The following TOPBP1 variants were observed in gnomAD, a reference collection of about 807,000 sequenced individuals.
TOPBP1 encodes the protein DNA topoisomerase II binding protein 1.
Under a neutral mutation model 167.7 loss-of-function variants are expected in TOPBP1, and 28 were observed. The ratio of observed to expected loss-of-function variants is 0.17; its 90% CI spans 0.12 to 0.23. The LOEUF is 0.23. Among genes scored for constraint, TOPBP1 ranks in the 10% least tolerant of loss-of-function variants. TOPBP1 has a pLI of 1.00. For synonymous variants in TOPBP1, 598 were observed against 611.4 expected (o/e 0.98, Z 0.32); for missense variants, 1,554 against 1,809.6 (o/e 0.86, Z 2.56).
Position 133,608,591 on chromosome 3 carries a change from C to G in TOPBP1, c.4369G>C (p.Ala1457Pro). ...DDSGVNIAEA[A>P]AQNVYCLRTE... ...CTCAAGCAGTACACGTTCTGGGCAG[C>G]AGCTTCTGCTATATTAACTCCTGAG... Residue 1457 changes from alanine to proline, a missense_variant, in exon 27 of 28, where the codon GCT becomes CCT. By Grantham distance (27) the Ala-to-Pro change is conservative (BLOSUM62 -1). This residue lies in a region of TOPBP1 where 351 missense variants were observed against 432.9 expected (regional missense o/e 0.81). Coordinates refer to ENST00000260810, the MANE Select transcript of TOPBP1 (RefSeq NM_007027.4). 6.2e-7 allele frequency: 1 copy of G among 1,613,840 alleles called. No individual in the cohort carries two copies. The highest frequency in any genetic ancestry group is 1.1e-5 in the South Asian group (1 of 91,080).
At position 133,612,337 on chromosome 3, in the gene TOPBP1, G is replaced by C. The variant is rs1934710269; in HGVS notation, c.4035+52C>G. 8.7e-6 allele frequency: 14 copies of C among 1,601,038 alleles called. No individual in the cohort carries two copies. In the Admixed American group the frequency reaches 2.4e-4, roughly 27 times the overall value. ...TAACAGGTGTGAGCCACTGCACCCG[G>C]TGGACACTTGCTTTTAAAGAAAAAT... On this transcript the variant is annotated intron_variant, in intron 24 of 27. Transcript: ENST00000260810.
rs1425152272 is a variant in TOPBP1, at chr3:133,650,361, G to GT, written c.1090-419dup. ...GAACACCTGGGCTTAAATTGTGTGT[G>GT]TGTGGGGGGCGGGGGGAGGGGTTGT... On this transcript the variant is annotated intron_variant, in intron 8 of 27. Transcript: ENST00000260810. Among the ~76,000 whole-genome samples, 556 of 111,034 alleles carry GT rather than the reference G, an allele frequency of 5.0e-3. 5 individuals carry two copies. In the Middle Eastern group the frequency reaches 0.057, roughly 11 times the overall value. The allele number at this position is 111,034 out of a possible 152,430, so 72.8% of individuals were successfully genotyped here.
intron 27 of TOPBP1, among the ~76,000 whole-genome samples, chr3:133,607,167 C>A (rs890552632): frequency 5.3e-5 from 8 of 152,096 alleles, no homozygotes; most frequent in Non-Finnish European, 1.2e-4. Flanking sequence ...TGCTTAGAAT[C>A]AGAAGTATTT....
rs61758060 is a variant in TOPBP1 at position 133,628,613 on chromosome 3, T to G, written c.2641A>C (p.Asn881His). 1 of 1,609,386 alleles carries G rather than the reference T, an allele frequency of 6.2e-7. No homozygotes were observed. ...LQLALANSSR[N>H]AVALSASPQL... ...GGGCTGGCAGAAAGAGCGACAGCAT[T>G]TCGAGAGCTATTTGCCAAAGCAAGT... The change falls in exon 15 of 28, where the codon AAT (asparagine) becomes CAT (histidine). Residue 881 changes from asparagine (N) to histidine (H), a missense_variant. By Grantham distance (68) the Asn-to-His change is moderately conservative. Around this residue, in one of 3 missense-constraint regions of TOPBP1, gnomAD observed 1,197 missense variants for 1,351.5 expected, o/e 0.89. Transcript: ENST00000260810.
intron 3 of TOPBP1, among the ~76,000 whole-genome samples, chr3:133,658,757 A>G (rs1026405391): frequency 6.6e-6 from 1 of 152,186 alleles, no homozygotes; most frequent in Non-Finnish European, 1.5e-5. Context: ...CAGTGGGCTG[A>G]GCTTGTGCCA....
rs1559822682 is a variant in TOPBP1 at position 133,637,759 on chromosome 3, C to T, written c.2520+117G>A. Reference sequence around the variant, plus strand: ...GTTCAAACTCAGTAACATAAATCTACTTGCCAATGTCTCTGGAAAATTTAT... The same window carrying T: ...GTTCAAACTCAGTAACATAAATCTATTTGCCAATGTCTCTGGAAAATTTAT... On this transcript the variant is annotated intron_variant, in intron 14 of 27. Transcript: ENST00000260810. 2.8e-6 allele frequency: 3 copies of T among 1,087,886 alleles called. No individual in the cohort carries two copies. In the South Asian group the frequency reaches 4.9e-5, roughly 18 times the overall value. The allele number at this position is 1,087,886 out of a possible 1,614,324, so 67.4% of individuals were successfully genotyped here. A position where few individuals can be genotyped will look rare whatever the true frequency, so the allele number is the denominator to read the frequency against.
In TOPBP1 at chr3:133,644,215, G is replaced by A. The variant is rs1242921123; in HGVS notation, c.1653C>T (p.Gly551=). 1.7e-5 allele frequency: 28 copies of A among 1,613,696 alleles called. No homozygotes were observed. Among genetic ancestry groups the A allele is most frequent in the Non-Finnish European group, 2.4e-5 (28 of 1,179,842 alleles). The part of the protein sequence containing the change: ...VPDVSTITEE[G]LFSQKSFLVL... ...CAAGGAAACTCTTTTGGCTAAATAA[G>A]CCTTCTTCAGTAATTGTAGAAACAT... Residue 551 remains glycine (G), a synonymous_variant, in exon 11 of 28, where the codon GGC becomes GGT. Coordinates refer to ENST00000260810, the MANE Select transcript of TOPBP1 (RefSeq NM_007027.4).
At position 133,643,385 on chromosome 3, in the gene TOPBP1, A is replaced by G. The variant is rs1264679129; in HGVS notation, c.1849-13T>C. The G allele has an allele frequency of 6.4e-7, 1 of 1,556,580 alleles. No homozygotes were observed. Among genetic ancestry groups the G allele is most frequent in the Non-Finnish European group, 8.6e-7 (1 of 1,156,576 alleles). On this transcript the variant is annotated splice_polypyrimidine_tract_variant and intron_variant, in intron 11 of 27. Transcript: ENST00000260810. ...CTATGCAAGTAACCTTTTAAAAACA[A>G]AAGAAATAGTAAAGCCAACCTGAAA...
intron 6 of TOPBP1, among the ~76,000 whole-genome samples, chr3:133,654,334 C>T (rs1936405968): frequency 6.6e-6 from 1 of 152,146 alleles, no homozygotes. Context: ...AAATATGTAT[C>T]TTTTATTACC....
chr3:133,638,208 C>T (rs1408826253), intron 13 of TOPBP1, 46 bp from the exon 14 acceptor site: 2 of 1,548,602 alleles, frequency 1.3e-6, no homozygotes, highest in Admixed American at 1.7e-5. Flanking sequence ...CACTAATGCC[C>T]ACTTTTTCCC....
At chr3:133,644,782 T>G (rs923356750) in intron 10 of TOPBP1, among the ~76,000 whole-genome samples, 1 of 152,208 alleles carries the variant, frequency 6.6e-6, no homozygotes, top group African/African-American at 2.4e-5. Context: ...TGGAAATAAC[T>G]ATAAGGAAGT....
rs767044975 is a variant in TOPBP1 at position 133,659,056 on chromosome 3, C to T, written c.179G>A (p.Cys60Tyr). 7 of 1,599,062 alleles carry T rather than the reference C, an allele frequency of 4.4e-6. No homozygotes were observed. In the Admixed American group the frequency reaches 1.2e-4, roughly 28 times the overall value. ...AAAGACAACGCCACTAAAAGGGTCACAGATATAAAGTGATCTATCATTCTC... is the reference window on the plus strand; with the variant it reads ...AAAGACAACGCCACTAAAAGGGTCATAGATATAAAGTGATCTATCATTCTC... ...IKENDRSLYI[C>Y]DPFSGVVFDH... The change falls in exon 3 of 28, where the codon TGT becomes TAT. Residue 60 changes from cysteine (C) to tyrosine (Y), a missense_variant. Physicochemically the swap from Cys to Tyr is radical, Grantham distance 194. Around this residue, in one of 3 missense-constraint regions of TOPBP1, gnomAD observed 1,197 missense variants for 1,351.5 expected, o/e 0.89. Coordinates refer to ENST00000260810, the MANE Select transcript of TOPBP1 (RefSeq NM_007027.4).
chr3:133,660,943 G>A (rs768271560), intron 2 of TOPBP1, 101 bp downstream of exon 2: 4 of 818,042 alleles, frequency 4.9e-6, no homozygotes, highest in Non-Finnish European at 7.4e-6. Flanking sequence ...AAATTATTAT[G>A]AAAGTGAAAT....
At chr3:133,624,212 G>A (rs1458956530) in intron 16 of TOPBP1, 37 bp from the exon 17 acceptor site, 1 of 1,602,304 alleles carries the variant, frequency 6.2e-7, no homozygotes, top group Admixed American at 1.7e-5. Flanking sequence ...ATAACCAAGA[G>A]AAACATCCTC....
intron 26 of TOPBP1, 65 bp from the exon 27 acceptor site, chr3:133,608,761 T>C (rs1934579810): frequency 1.9e-6 from 3 of 1,586,488 alleles, no homozygotes; most frequent in Middle Eastern, 1.7e-4. Context: ...CTGTATAATG[T>C]GTACTTAAGG....
intron 11 of TOPBP1, 71 bp from the exon 12 acceptor site, chr3:133,643,443 C>A: frequency 1.5e-6 from 2 of 1,324,284 alleles, no homozygotes; most frequent in African/African-American, 1.5e-5. Flanking sequence ...GGTTCAGGTA[C>A]AGAAGCAATA....
In TOPBP1 at chr3:133,655,277, AAC is replaced by A. The variant is rs549987774; in HGVS notation, c.742+11_742+12del. The A allele has an allele frequency of 1.3e-4, 175 of 1,371,978 alleles. No homozygotes were observed. Among genetic ancestry groups the A allele is most frequent in the Non-Finnish European group, 1.6e-4 (165 of 1,053,542 alleles). 85.0% of individuals were successfully genotyped at this position (1,371,978 alleles called of 1,614,324 possible). ...AAATGTTTCATTTGTCCCTTTGTGA[AAC>A]ACAGTTTTACCTTTTGGTTCTTGCA... On this transcript the variant is annotated intron_variant, in intron 6 of 27. Coordinates refer to ENST00000260810, the MANE Select transcript of TOPBP1 (RefSeq NM_007027.4).
chr3:133,632,033 G>A (rs946477281), intron 14 of TOPBP1, among the ~76,000 whole-genome samples: 7 of 151,994 alleles, frequency 4.6e-5, no homozygotes, highest in African/African-American at 1.7e-4. Context: ...CTTCATTTTC[G>A]ACCGTGATTG....
At position 133,655,311 on chromosome 3, in the gene TOPBP1, G is replaced by T; in HGVS notation, c.721C>A (p.Leu241Ile). Residue 241 changes from leucine to isoleucine, a missense_variant, in exon 6 of 28, where the codon CTC (leucine) becomes ATC (isoleucine). Leu to Ile is a conservative substitution (Grantham distance 5, BLOSUM62 2). Around this residue, in one of 3 missense-constraint regions of TOPBP1, gnomAD observed 1,197 missense variants for 1,351.5 expected, o/e 0.89. Transcript: ENST00000260810. ...TTACCTTTTGGTTCTTGCACAATGA[G>T]GTGTGTACATTCATTCATTTTCAAT... ...GQLKMNECTH[L>I]IVQEPKGQKY... is the part of the protein sequence containing the mutation. The T allele has an allele frequency of 6.6e-7, 1 of 1,519,076 alleles. No homozygotes were observed. Among genetic ancestry groups the T allele is most frequent in the Non-Finnish European group, 8.8e-7 (1 of 1,132,380 alleles). The allele number at this position is 1,519,076 out of a possible 1,614,324, so 94.1% of individuals were successfully genotyped here. A position where few individuals can be genotyped will look rare whatever the true frequency, so the allele number is the denominator to read the frequency against.
Sources: allele counts gnomAD v4.1 joint callset (sites outside exome capture counted in the v4.1 genomes callset), GRCh38; gene constraint gnomAD v4.1.1; regional missense constraint gnomAD v4.1.1; transcripts MANE v1.5; gene names NCBI Gene and HGNC (gene_info 2026-07-23, HGNC 2026-07-21).